Variants in ARHGEF1 observed in about 807,000 individuals in gnomAD.
The protein encoded by ARHGEF1 is 115 kDa guanine nucleotide exchange factor.
ARHGEF1 carries 40 observed loss-of-function variants against 119.7 expected under a neutral mutation model. That is an observed-to-expected ratio of 0.33 (90% CI 0.26 to 0.44). The LOEUF (loss-of-function observed/expected upper bound fraction) is 0.44, where lower values mean the gene tolerates loss of function less well. ARHGEF1 is among the 20% of genes least tolerant of loss of function. The pLI, the probability that ARHGEF1 is intolerant of heterozygous loss-of-function variation, is 1.00. For synonymous variants in ARHGEF1, 494 were observed against 521.0 expected (o/e 0.95, Z 0.71); for missense variants, 976 against 1,268.3 (o/e 0.77, Z 3.50).
Position 41,894,471 on chromosome 19 carries a change from G to A in ARHGEF1, c.765G>A (p.Ser255=), listed in dbSNP as rs782763644. The change falls in exon 10 of 29, where the codon TCG becomes TCA. Residue 255 remains serine (S), a synonymous_variant. Transcript: ENST00000354532. ...CACAGGTGATGGGGAACCGGCGGTC[G>A]GACGAGCCTGCCAAGACCAAGAAGG... ...FRKKVMGNRR[S]DEPAKTKKGL... is the part of the protein sequence containing the mutation. 25 of 1,567,172 alleles carry A rather than the reference G, an allele frequency of 1.6e-5. No individual in the cohort carries two copies. Among genetic ancestry groups the A allele is most frequent in the South Asian group, 9.6e-5 (8 of 83,458 alleles).
downstream of ARHGEF1, among the ~76,000 whole-genome samples, chr19:41,908,904 C>A (rs782344354): frequency 6.6e-6 from 1 of 151,882 alleles, no homozygotes; most frequent in Non-Finnish European, 1.5e-5. The surrounding 1 kb of genome is among the most constrained non-coding windows in gnomAD (Gnocchi z 6.7). Context: ...CCCTCCCTCA[C>A]ATCACATCCT....
downstream of ARHGEF1, chr19:41,909,736 G>A: frequency 9.2e-7 from 1 of 1,081,696 alleles, no homozygotes; most frequent in South Asian, 1.7e-5. This position sits in a 1 kb window ranked among gnomAD's most constrained non-coding sequence, Gnocchi z 5.2. Flanking sequence ...AGCGATGGTG[G>A]CTACTCACGC....
At chr19:41,908,580 G>A, downstream of ARHGEF1, 2 of 1,231,776 alleles carry the variant, frequency 1.6e-6, 1 homozygote, top group South Asian at 8.2e-5. This position sits in a 1 kb window ranked among gnomAD's most constrained non-coding sequence, Gnocchi z 6.7. Context: ...CTTGGGGAAG[G>A]GGCCCGTGAG....
intron 9 of ARHGEF1, 64 bp from the exon 10 acceptor site, chr19:41,894,387 C>T: frequency 5.9e-6 from 9 of 1,522,048 alleles, no homozygotes; most frequent in Non-Finnish European, 7.9e-6. Context: ...TACCTAGCGT[C>T]AAATTCTGCT....
upstream of ARHGEF1, among the ~76,000 whole-genome samples, chr19:41,922,765 G>A (rs1434678021): frequency 6.6e-6 from 1 of 152,186 alleles, no homozygotes; most frequent in African/African-American, 2.4e-5. Flanking sequence ...GGGGCATCAG[G>A]CGCGGTGCTA....
downstream of ARHGEF1, chr19:41,908,976 C>T (rs546460153): frequency 3.4e-6 from 3 of 885,804 alleles, no homozygotes; most frequent in African/African-American, 1.7e-5. The surrounding 1 kb of genome is among the most constrained non-coding windows in gnomAD (Gnocchi z 6.7). Flanking sequence ...CCCATCTCTT[C>T]TCTTGTCTTT....
chr19:41,904,220 G>C lies in ARHGEF1; in HGVS notation c.1998G>C (p.Val666=), dbSNP rs782365789. Residue 666 remains valine, a synonymous_variant, in exon 22 of 29, where the codon GTG becomes GTC. Transcript: ENST00000354532. The surrounding 1 kb of genome is among the most constrained non-coding windows in gnomAD (Gnocchi z 8.4). ...WRVTKDKAVE[V]HVLLLDDLLL... ...TGAGCACTGCTCGCCCCGTAGAGGT[G>C]CATGTGCTGCTGCTGGACGACCTGC... 1.2e-6 allele frequency: 2 copies of C among 1,613,566 alleles called. No homozygotes were observed.
intron 18 of ARHGEF1, chr19:41,912,929 G>C: frequency 1.6e-6 from 2 of 1,229,792 alleles, no homozygotes; most frequent in Non-Finnish European, 2.0e-6. Flanking sequence ...TGGCGGAGCC[G>C]GCCCTGCAGA....
At chr19:41,897,736 C>T in intron 13 of ARHGEF1, 1 of 474,600 alleles carries the variant, frequency 2.1e-6, no homozygotes, top group East Asian at 3.4e-5. Flanking sequence ...TGTCTCTGTC[C>T]CTGTCCTGGT....
rs2074688463 is a variant in ARHGEF1 at position 41,905,986 on chromosome 19, G to T, written c.2452G>T (p.Gly818Cys). 5.6e-6 allele frequency: 9 copies of T among 1,614,062 alleles called. No homozygotes were observed. The highest frequency in any genetic ancestry group is 7.6e-6 in the Non-Finnish European group (9 of 1,179,998). Residue 818 changes from glycine (G) to cysteine (C), a missense_variant, in exon 26 of 29, where the codon GGC becomes TGC. Physicochemically the swap from Gly to Cys is radical, Grantham distance 159. Around this residue, in one of 3 missense-constraint regions of ARHGEF1, gnomAD observed 171 missense variants for 180.6 expected, o/e 0.95. Coordinates refer to ENST00000354532, the MANE Select transcript of ARHGEF1 (RefSeq NM_004706.4). This position sits in a 1 kb window ranked among gnomAD's most constrained non-coding sequence, Gnocchi z 6.4. ...TGACCTCCTGCCCTTCTGCAGACCA[G>T]GCCCCGAGGGCCAGCTCGCTGCCAC... ...LSDLLPFCRP[G>C]PEGQLAATAL...
At chr19:41,896,280 A>G (rs1360531076) in intron 12 of ARHGEF1, 97 bp from the exon 13 acceptor site, 1 of 553,570 alleles carries the variant, frequency 1.8e-6, no homozygotes, top group Non-Finnish European at 3.1e-6. Flanking sequence ...TCTGCCAGGC[A>G]CTGGGTAGCT....
At chr19:41,895,865 A>G (rs1194020558) in intron 12 of ARHGEF1, among the ~76,000 whole-genome samples, 2 of 151,792 alleles carry the variant, frequency 1.3e-5, no homozygotes, top group Non-Finnish European at 2.9e-5. Context: ...ATCCCTCACC[A>G]TCCTTACACT....
chr19:41,914,611 T>C (rs1236344087), intron 18 of ARHGEF1, among the ~76,000 whole-genome samples: 7 of 46,488 alleles, frequency 1.5e-4, no homozygotes, highest in African/African-American at 5.1e-4. Flanking sequence ...TGTCTCTCCC[T>C]CCCCTTCCAC....
At chr19:41,896,718 CTCCT>C in intron 13 of ARHGEF1, 2 of 681,952 alleles carry the variant, frequency 2.9e-6, no homozygotes, top group South Asian at 3.0e-5. Flanking sequence ...GCTCCTTCCT[CTCCT>C]TCCTTTTTTC....
intron 18 of ARHGEF1, among the ~76,000 whole-genome samples, chr19:41,914,606 C>CCG (rs1356859174): frequency 3.4e-5 from 2 of 59,578 alleles, no homozygotes; most frequent in Non-Finnish European, 6.4e-5. Flanking sequence ...ATCTCTGTCT[C>CCG]TCCCTCCCCT....
upstream of ARHGEF1, among the ~76,000 whole-genome samples, chr19:41,918,745 TACAC>T (rs140071564): frequency 3.2e-3 from 385 of 121,204 alleles, 1 homozygote; most frequent in Middle Eastern, 7.5e-3. Context: ...ACCCCACACA[TACAC>T]ACACCACATA....
chr19:41,928,964 G>A (rs1555853605), exon 2 of ARHGEF1: 1 of 454,704 alleles, frequency 2.2e-6, no homozygotes, highest in South Asian at 1.6e-5. Context: ...GGAGATACAC[G>A]GACAGAGGGA....
At chr19:41,929,097 T>C in intron 2 of ARHGEF1, 1 of 301,064 alleles carries the variant, frequency 3.3e-6, no homozygotes, top group Non-Finnish European at 6.8e-6. Context: ...ATGCGGACCG[T>C]AATACAGGAA....
rs782165682 is a variant in ARHGEF1, at chr19:41,904,959, C to T, written c.2172C>T (p.Ala724=). ...CCCCTCTCCCTGCAGATCACAAAGC[C>T]TTCTACGTCCTTTTTACCTGGGACC... is the stretch of plus-strand genomic sequence containing the variant. ...MTREVATDHK[A]FYVLFTWDQE... The change falls in exon 23 of 29, where the codon GCC becomes GCT. Residue 724 remains alanine, a synonymous_variant. Transcript: ENST00000354532. This position sits in a 1 kb window ranked among gnomAD's most constrained non-coding sequence, Gnocchi z 8.4. 1.9e-6 allele frequency: 3 copies of T among 1,614,100 alleles called. No individual in the cohort carries two copies. The highest frequency in any genetic ancestry group is 2.2e-5 in the South Asian group (2 of 91,088).
Sources: gnomAD v4.1 joint callset for allele counts (sites outside exome capture counted in the v4.1 genomes callset) on GRCh38, gnomAD v4.1.1 for gene constraint, gnomAD v4.1.1 regional missense constraint, Gnocchi (gnomAD v3.1) non-coding constraint, MANE v1.5 for transcripts, NCBI Gene and HGNC (gene_info 2026-07-23, HGNC 2026-07-21) for gene names.